TRHDE: variants seen among roughly 807,000 people sequenced by gnomAD.
TRHDE encodes the protein thyrotropin-releasing hormone-degrading ectoenzyme.
A neutral mutation model predicts 125.7 loss-of-function variants in TRHDE; 72 were observed. The ratio of observed to expected loss-of-function variants is 0.57; its 90% CI spans 0.47 to 0.70. The LOEUF is 0.70. Ranked by LOEUF, TRHDE falls within the 30% of genes least tolerant of loss-of-function variation. TRHDE has a pLI of 0.00. For synonymous variants in TRHDE, 509 were observed against 509.1 expected (o/e 1.00, Z 0.00); for missense variants, 1,110 against 1,327.1 (o/e 0.84, Z 2.54).
intron 1 of TRHDE, among the ~76,000 whole-genome samples, chr12:72,096,897 C>T (rs1221129876): frequency 6.6e-6 from 1 of 152,208 alleles, no homozygotes; most frequent in African/African-American, 2.4e-5. Flanking sequence ...TGGCAAAATA[C>T]AGTCAATAAC....
At chr12:72,134,626 C>A (rs1875940556) in intron 2 of TRHDE, among the ~76,000 whole-genome samples, 1 of 152,006 alleles carries the variant, frequency 6.6e-6, no homozygotes, top group Non-Finnish European at 1.5e-5. Context: ...GTAGGCTCCA[C>A]ACAACCTGAA....
At chr12:72,586,912 A>G (rs557851015) in intron 12 of TRHDE, among the ~76,000 whole-genome samples, 23 of 152,294 alleles carry the variant, frequency 1.5e-4, no homozygotes, top group South Asian at 1.2e-3. Context: ...GAATATCAGA[A>G]TTTTATGTGG....
At chr12:72,256,205 C>G (rs556236392) in intron 2 of TRHDE, 4 of 152,112 alleles carry the variant, frequency 2.6e-5, no homozygotes, top group Non-Finnish European at 5.9e-5. Flanking sequence ...CTTACAATAG[C>G]CTACAAAACC....
At position 72,106,923 on chromosome 12, in the gene TRHDE, C is replaced by T. The variant is rs535803783; in HGVS notation, n.279+1171C>T. On this transcript the variant is annotated intron_variant and non_coding_transcript_variant, in intron 2 of 4. Transcript: ENST00000548156. ...TCATCAGCAACCCATAGGGTACCATCTTCAAATAACAGATGATGAATCTGA... is the reference window on the plus strand; with the variant it reads ...TCATCAGCAACCCATAGGGTACCATTTTCAAATAACAGATGATGAATCTGA... Among the ~76,000 whole-genome samples the T allele has an allele frequency of 3.5e-4, 53 of 152,220 alleles. No homozygotes were observed. In the South Asian group the frequency reaches 6.8e-3, roughly 20 times the overall value.
At chr12:72,604,016 G>A (rs939393801) in intron 12 of TRHDE, among the ~76,000 whole-genome samples, 1 of 152,036 alleles carries the variant, frequency 6.6e-6, no homozygotes, top group Non-Finnish European at 1.5e-5. Context: ...GATATGGTGA[G>A]TCTTGAATTT....
Position 72,272,934 on chromosome 12 carries a change from C to A in TRHDE, c.291C>A (p.Leu97=). ...LAFAVSLVAL[L]AVTMLAVLLS... is the part of the protein sequence containing the mutation. ...TCGCTGTGTCCCTCGTGGCATTGCT[C>A]GCGGTCACAATGCTCGCTGTGCTGC... The change falls in exon 1 of 19, where the codon CTC becomes CTA. Residue 97 remains leucine, a synonymous_variant. Transcript: ENST00000261180. This position sits in a 1 kb window ranked among gnomAD's most constrained non-coding sequence, Gnocchi z 6.7. 1 of 1,577,798 alleles carries A rather than the reference C, an allele frequency of 6.3e-7. No individual in the cohort carries two copies. Among genetic ancestry groups the A allele is most frequent in the Non-Finnish European group, 8.5e-7 (1 of 1,169,728 alleles).
chr12:72,571,974 A>AACACACACACACACAC (rs59206098), intron 10 of TRHDE, among the ~76,000 whole-genome samples: 5,462 of 127,410 alleles, frequency 0.043, 277 homozygotes, highest in Non-Finnish European at 0.058. Flanking sequence ...TGACTCTGCA[A>AACACACACACACACAC]ACACACACAC....
intron 16 of TRHDE, among the ~76,000 whole-genome samples, chr12:72,652,800 G>A (rs1874557572): frequency 6.6e-6 from 1 of 151,630 alleles, no homozygotes; most frequent in South Asian, 2.1e-4. Flanking sequence ...CCTTTCACAA[G>A]ATTTTTTTAG....
rs192655636 is a variant in TRHDE, at chr12:72,363,663, C to T, written c.1189-14332C>T. Among the ~76,000 whole-genome samples the T allele has an allele frequency of 1.2e-3, 177 of 152,146 alleles. 3 individuals carry two copies. Among genetic ancestry groups the T allele is most frequent in the African/African-American group, 3.4e-3 (141 of 41,496 alleles). ...TCTATGACAAACCCACAGCCAATAT[C>T]GTACTGAATGGGCATAAACTGGAAG... is the stretch of plus-strand genomic sequence containing the variant. On this transcript the variant is annotated intron_variant, in intron 2 of 18. Coordinates refer to ENST00000261180, the MANE Select transcript of TRHDE (RefSeq NM_013381.3).
At chr12:72,343,753 C>G (rs1340315567) in intron 2 of TRHDE, among the ~76,000 whole-genome samples, 2 of 151,948 alleles carry the variant, frequency 1.3e-5, no homozygotes, top group Non-Finnish European at 2.9e-5. Context: ...TAATGTGAAA[C>G]TTAAAAGATA....
intron 10 of TRHDE, among the ~76,000 whole-genome samples, chr12:72,569,599 C>T (rs149306188): frequency 5.3e-5 from 8 of 152,232 alleles, no homozygotes; most frequent in East Asian, 3.9e-4. Flanking sequence ...TGCAAGAAAA[C>T]GTTGTTACAG....
intron 12 of TRHDE, among the ~76,000 whole-genome samples, chr12:72,617,044 T>C (rs557973107): frequency 6.6e-6 from 1 of 152,260 alleles, no homozygotes; most frequent in South Asian, 2.1e-4. Flanking sequence ...ATTATTGGGA[T>C]GTTGTACTAG....
chr12:72,120,674 C>CTTTTTTTTT (rs36076979), intron 2 of TRHDE, among the ~76,000 whole-genome samples: 2 of 118,774 alleles, frequency 1.7e-5, no homozygotes, highest in Non-Finnish European at 3.4e-5. Flanking sequence ...TACTCTTTAA[C>CTTTTTTTTT]TTTTTTTTTT....
intron 10 of TRHDE, among the ~76,000 whole-genome samples, chr12:72,572,813 A>G (rs1870810502): frequency 6.6e-6 from 1 of 152,032 alleles, no homozygotes; most frequent in African/African-American, 2.4e-5. Context: ...AGTTGTTGAA[A>G]TTAAGTTTAA....
chr12:72,474,504 T>C (rs1465947967), intron 5 of TRHDE, among the ~76,000 whole-genome samples: 1 of 152,166 alleles, frequency 6.6e-6, no homozygotes, highest in Non-Finnish European at 1.5e-5. Context: ...TTTAGATTTC[T>C]TATAGAAGTG....
At chr12:72,309,153 C>T (rs1027869488) in intron 2 of TRHDE, among the ~76,000 whole-genome samples, 26 of 152,134 alleles carry the variant, frequency 1.7e-4, no homozygotes, top group African/African-American at 6.3e-4. Flanking sequence ...TTCCAGTCCC[C>T]AGCAGCTAGT....
At chr12:72,304,479 C>A (rs1193930537) in intron 2 of TRHDE, among the ~76,000 whole-genome samples, 1 of 152,084 alleles carries the variant, frequency 6.6e-6, no homozygotes, top group Non-Finnish European at 1.5e-5. Flanking sequence ...AGTGATCCCG[C>A]CAGGGCAAGC....
Position 72,664,822 on chromosome 12 carries a change from G to C in TRHDE, c.*1627G>C, listed in dbSNP as rs1022124070. On this transcript the variant is annotated 3_prime_UTR_variant, in exon 19 of 19. Transcript: ENST00000261180. The stretch of plus-strand genomic sequence containing the variant: ...GCCATAGAATTATTTTAAATTAGTA[G>C]AAAAGAGGAGCTATTTCCGAATCTA... The C allele has an allele frequency of 1.3e-5, 2 of 152,136 alleles. No homozygotes were observed. The highest frequency in any genetic ancestry group is 2.9e-5 in the Non-Finnish European group (2 of 67,974). 9.4% of individuals were successfully genotyped at this position (152,136 alleles called of 1,614,324 possible).
intron 3 of TRHDE, among the ~76,000 whole-genome samples, chr12:72,433,499 G>A (rs756734172): frequency 2.6e-5 from 4 of 151,938 alleles, no homozygotes; most frequent in Non-Finnish European, 5.9e-5. Context: ...TTGCCTCCCC[G>A]AGCATGGAGC....
Sources: allele counts gnomAD v4.1 joint callset (sites outside exome capture counted in the v4.1 genomes callset), GRCh38; gene constraint gnomAD v4.1.1; non-coding constraint Gnocchi (gnomAD v3.1); transcripts MANE v1.5; gene names NCBI Gene and HGNC (gene_info 2026-07-23, HGNC 2026-07-21).